Variants in RAB12 observed in about 807,000 individuals in gnomAD.
The protein encoded by RAB12 is ras-related protein Rab-12.
RAB12 carries 11 observed loss-of-function variants against 28.4 expected under a neutral mutation model. The ratio of observed to expected loss-of-function variants is 0.39; its 90% CI spans 0.24 to 0.64. The LOEUF is 0.64. Among genes scored for constraint, RAB12 ranks in the 30% least tolerant of loss-of-function variants. The pLI, the probability that RAB12 is intolerant of heterozygous loss-of-function variation, is 0.50. For synonymous variants in RAB12, 138 were observed against 145.3 expected, an observed-to-expected ratio of 0.95 and a Z score of 0.36; for missense variants, 276 against 351.1, an observed-to-expected ratio of 0.79 and a Z score of 1.71.
chr18:8,633,415 G>A, intron 3 of RAB12, 88 bp downstream of exon 3: 1 of 1,458,110 alleles, frequency 6.9e-7, no homozygotes, highest in Non-Finnish European at 9.5e-7. Flanking sequence ...CACATGTATT[G>A]AGCATGTTTT....
chr18:8,626,596 T>G (rs321653), intron 2 of RAB12, among the ~76,000 whole-genome samples: 52,371 of 152,134 alleles, frequency 0.34, 11,535 homozygotes, highest in African/African-American at 0.63. Flanking sequence ...GGTGACATTG[T>G]ACACTCCTGG....
intron 1 of RAB12, among the ~76,000 whole-genome samples, chr18:8,620,165 C>CTTA: frequency 1.3e-5 from 1 of 75,442 alleles, no homozygotes; most frequent in Middle Eastern, 0.011. Context: ...TTTTTTGCTT[C>CTTA]AAAAAAAAAA....
chr18:8,628,165 G>A (rs1359421024), intron 2 of RAB12, among the ~76,000 whole-genome samples: 1 of 152,134 alleles, frequency 6.6e-6, no homozygotes, highest in African/African-American at 2.4e-5. Flanking sequence ...GGAAATATTA[G>A]GATTCTGCCT....
intron 1 of RAB12, among the ~76,000 whole-genome samples, chr18:8,614,221 T>C (rs991268997): frequency 4.6e-5 from 7 of 152,234 alleles, no homozygotes; most frequent in Non-Finnish European, 7.3e-5. Flanking sequence ...CCTATGGTAT[T>C]AGTGAAACTG....
chr18:8,620,160 T>A (rs2096009050), intron 1 of RAB12, among the ~76,000 whole-genome samples: 2 of 77,074 alleles, frequency 2.6e-5, no homozygotes, highest in Non-Finnish European at 5.1e-5. Flanking sequence ...TTTTTTTTTT[T>A]GCTTCAAAAA....
chr18:8,614,008 A>T (rs1042012355), intron 1 of RAB12, among the ~76,000 whole-genome samples: 15 of 152,214 alleles, frequency 9.9e-5, no homozygotes, highest in Non-Finnish European at 2.1e-4. Flanking sequence ...CTGCTCAGCA[A>T]GTGGTCAGGG....
In RAB12 at chr18:8,624,966, G is replaced by T; in HGVS notation, c.543G>T (p.Glu181Asp). ...TTGACTTCAAAATCAAAACTGTAGA[G>T]CTAAGAGGAAAGAAAATTAGATTAC... Reference protein sequence around the residue: ...VGVDFKIKTVELRGKKIRLQI... With the variant: ...VGVDFKIKTVDLRGKKIRLQI... The change falls in exon 2 of 6, where the codon GAG becomes GAT. Residue 181 changes from glutamate to aspartate, a missense_variant. Physicochemically the swap from Glu to Asp is conservative, Grantham distance 45 (BLOSUM62 2). Around this residue, in one of 4 missense-constraint regions of RAB12, gnomAD observed 76 missense variants for 117.9 expected, o/e 0.64. Transcript: ENST00000649141. 1 of 1,605,276 alleles carries T rather than the reference G, an allele frequency of 6.2e-7. No individual in the cohort carries two copies. Among genetic ancestry groups the T allele is most frequent in the South Asian group, 1.1e-5 (1 of 90,606 alleles).
At chr18:8,618,235 G>T (rs1044276996) in intron 1 of RAB12, among the ~76,000 whole-genome samples, 1 of 152,106 alleles carries the variant, frequency 6.6e-6, no homozygotes, top group African/African-American at 2.4e-5. Flanking sequence ...GGGTGGGAGC[G>T]TGCCAACCCT....
intron 1 of RAB12, among the ~76,000 whole-genome samples, chr18:8,616,798 G>A (rs1277812268): frequency 6.6e-6 from 1 of 152,096 alleles, no homozygotes; most frequent in Non-Finnish European, 1.5e-5. Flanking sequence ...GTGTGGTGGT[G>A]CACACCTGTG....
chr18:8,632,499 T>A (rs1463161605), intron 2 of RAB12, among the ~76,000 whole-genome samples: 3 of 152,026 alleles, frequency 2.0e-5, no homozygotes, highest in African/African-American at 7.2e-5. Flanking sequence ...CTGTGCCTGC[T>A]AGGGTTGTAA....
At chr18:8,621,047 C>T (rs1403191350) in intron 1 of RAB12, among the ~76,000 whole-genome samples, 2 of 152,168 alleles carry the variant, frequency 1.3e-5, no homozygotes, top group East Asian at 3.9e-4. Context: ...GTGGTGGGGG[C>T]TCGTTGCTTC....
intron 1 of RAB12, among the ~76,000 whole-genome samples, chr18:8,621,678 G>A (rs1035497328): frequency 6.6e-6 from 1 of 151,998 alleles, no homozygotes; most frequent in Non-Finnish European, 1.5e-5. Context: ...TGGGTGAATT[G>A]CGTGTCATGG....
intron 2 of RAB12, among the ~76,000 whole-genome samples, chr18:8,628,108 C>T (rs894953114): frequency 2.0e-5 from 3 of 152,004 alleles, no homozygotes; most frequent in Non-Finnish European, 4.4e-5. Context: ...TCTAGAAATC[C>T]GCACCTTATC....
intron 2 of RAB12, among the ~76,000 whole-genome samples, chr18:8,629,425 C>A (rs1379412831): frequency 4.6e-5 from 7 of 151,988 alleles, no homozygotes; most frequent in Admixed American, 3.9e-4. Context: ...TTTGTTTTTG[C>A]AGTTCTGAGG....
At chr18:8,614,956 T>G (rs1425303151) in intron 1 of RAB12, among the ~76,000 whole-genome samples, 1 of 152,214 alleles carries the variant, frequency 6.6e-6, no homozygotes, top group African/African-American at 2.4e-5. Flanking sequence ...CTGGCCCCCT[T>G]AAAGGATGGC....
At chr18:8,613,836 A>AGTAGTG (rs1327156533) in intron 1 of RAB12, among the ~76,000 whole-genome samples, 1 of 134,108 alleles carries the variant, frequency 7.5e-6, no homozygotes, top group African/African-American at 2.8e-5. Context: ...TAGAAGTAGT[A>AGTAGTG]GTAGTAGTAG....
chr18:8,612,163 C>T (rs1263490997), intron 1 of RAB12, among the ~76,000 whole-genome samples: 1 of 152,186 alleles, frequency 6.6e-6, no homozygotes, highest in Admixed American at 6.6e-5. Context: ...CTGGGAGCTG[C>T]GTGACCGCTT....
intron 1 of RAB12, among the ~76,000 whole-genome samples, chr18:8,624,037 A>G (rs2148708871): frequency 6.6e-6 from 1 of 152,380 alleles, no homozygotes; most frequent in African/African-American, 2.4e-5. Flanking sequence ...TGCCCTCTGC[A>G]GCCACCATAC....
At chr18:8,635,462 G>A (rs370426889) in intron 3 of RAB12, 71 bp from the exon 4 acceptor site, 13 of 1,092,556 alleles carry the variant, frequency 1.2e-5, no homozygotes, top group South Asian at 7.0e-5. Context: ...ATACTGTATC[G>A]GTTTATATTT....
Sources: allele counts gnomAD v4.1 joint callset (sites outside exome capture counted in the v4.1 genomes callset), GRCh38; gene constraint gnomAD v4.1.1; regional missense constraint gnomAD v4.1.1; transcripts MANE v1.5; gene names NCBI Gene and HGNC (gene_info 2026-07-23, HGNC 2026-07-21).